The following HNRNPF variants were observed in gnomAD, a reference collection of about 807,000 sequenced individuals.
HNRNPF encodes the protein heterogeneous nuclear ribonucleoprotein F.
HNRNPF carries 2 observed loss-of-function variants against 26.0 expected under a neutral mutation model. The ratio of observed to expected loss-of-function variants is 0.08; its 90% CI spans 0.03 to 0.24. The LOEUF is 0.24. Ranked by LOEUF, HNRNPF falls within the 10% of genes least tolerant of loss-of-function variation. The probability of loss-of-function intolerance (pLI) is 1.00; values close to 1 mark genes in which losing one functional copy is unlikely to be tolerated. For missense variants in HNRNPF, 299 were observed against 539.2 expected, an observed-to-expected ratio of 0.55 and a Z score of 4.41; for synonymous variants, 234 against 211.5, an observed-to-expected ratio of 1.11 and a Z score of -0.92.
At chr10:43,390,166 T>A (rs1838186439) in intron 3 of HNRNPF, among the ~76,000 whole-genome samples, 1 of 152,212 alleles carries the variant, frequency 6.6e-6, no homozygotes, top group Non-Finnish European at 1.5e-5. Flanking sequence ...TGCTAACAGT[T>A]CAGAAGCTCC....
chr10:43,398,621 T>C (rs1838649102), intron 1 of HNRNPF, among the ~76,000 whole-genome samples: 1 of 151,800 alleles, frequency 6.6e-6, no homozygotes, highest in Non-Finnish European at 1.5e-5. Context: ...ATTACAGGTG[T>C]GAGCCACCGC....
At chr10:43,397,415 G>A (rs1470300019) in intron 1 of HNRNPF, 2 of 152,358 alleles carry the variant, frequency 1.3e-5, no homozygotes, top group Admixed American at 1.3e-4. Flanking sequence ...AGAGAGTCAG[G>A]GCGGCGGGAA....
chr10:43,397,579 G>A (rs1159568906), intron 1 of HNRNPF, among the ~76,000 whole-genome samples: 2 of 152,154 alleles, frequency 1.3e-5, no homozygotes, highest in East Asian at 3.9e-4. Context: ...CCTCTAAAAT[G>A]GAACTAGCGG....
rs767099810 is a variant in HNRNPF at position 43,387,306 on chromosome 10, T to G, written c.579A>C (p.Ser193=). The change falls in exon 4 of 4, where the codon TCA becomes TCC. Residue 193 remains serine, a synonymous_variant. Coordinates refer to ENST00000682386, the MANE Select transcript of HNRNPF (RefSeq NM_001098204.2). The surrounding 1 kb of genome is among the most constrained non-coding windows in gnomAD (Gnocchi z 6.0). ...TGAACTTCAGAGGGGGATCTGAGTATGACCTAACTTCCTCCTGGCTGCTCT... is the reference window on the plus strand; with the variant it reads ...TGAACTTCAGAGGGGGATCTGAGTAGGACCTAACTTCCTCCTGGCTGCTCT... The part of the protein sequence containing the change: ...VFKSSQEEVR[S]YSDPPLKFMS... 5.0e-6 allele frequency: 8 copies of G among 1,614,104 alleles called. No homozygotes were observed. The highest frequency in any genetic ancestry group is 1.6e-4 in the Middle Eastern group (1 of 6,084).
intron 3 of HNRNPF, among the ~76,000 whole-genome samples, chr10:43,392,182 T>A (rs1269309913): frequency 6.6e-6 from 1 of 152,138 alleles, no homozygotes; most frequent in African/African-American, 2.4e-5. Flanking sequence ...GGCAGGCAGA[T>A]CATTTGAGGT....
intron 2 of HNRNPF, among the ~76,000 whole-genome samples, chr10:43,395,641 A>T (rs1838459671): frequency 6.6e-6 from 1 of 152,202 alleles, no homozygotes; most frequent in Admixed American, 6.5e-5. Flanking sequence ...TTCAGGGGTG[A>T]AACAGTTTCA....
chr10:43,400,355 T>G (rs551002984), intron 1 of HNRNPF, among the ~76,000 whole-genome samples: 2 of 152,350 alleles, frequency 1.3e-5, no homozygotes, highest in Admixed American at 1.3e-4. Context: ...ATTCATATTC[T>G]TATTTCGTGG....
chr10:43,400,161 A>C (rs938311808), intron 1 of HNRNPF, among the ~76,000 whole-genome samples: 2 of 152,182 alleles, frequency 1.3e-5, no homozygotes, highest in Non-Finnish European at 2.9e-5. Context: ...CAGCCTGCGC[A>C]GTATAGTGAG....
At chr10:43,405,722 T>C (rs1021616014) in intron 1 of HNRNPF, among the ~76,000 whole-genome samples, 1 of 152,174 alleles carries the variant, frequency 6.6e-6, no homozygotes, top group African/African-American at 2.4e-5. Flanking sequence ...TGGAATGTAT[T>C]TTTAGGCATG....
intron 3 of HNRNPF, among the ~76,000 whole-genome samples, chr10:43,391,590 A>G (rs1838250772): frequency 6.6e-6 from 1 of 152,104 alleles, no homozygotes; most frequent in South Asian, 2.1e-4. Flanking sequence ...TGTCTGGGGC[A>G]GCCTTACAGA....
intron 2 of HNRNPF, among the ~76,000 whole-genome samples, chr10:43,396,174 A>G (rs1838502210): frequency 6.6e-6 from 1 of 152,250 alleles, no homozygotes; most frequent in African/African-American, 2.4e-5. Flanking sequence ...GCCAATCAAG[A>G]TAAATAGGGC....
rs1457417439 is a variant in HNRNPF, at chr10:43,388,941, CAA to C, written c.-52-1007_-52-1006del. 8.7e-5 allele frequency among the ~76,000 whole-genome samples: 13 copies of C among 149,160 alleles called. 1 individual carries two copies. In the South Asian group the frequency reaches 2.7e-3, roughly 32 times the overall value. On this transcript the variant is annotated intron_variant, in intron 3 of 3. Transcript: ENST00000682386. Reference sequence around the variant, plus strand: ...TATGAACACTGTCAAGGGTGACGCTCAAAAAGAGCATAGGAGTATATGGAATT... The same window carrying C: ...TATGAACACTGTCAAGGGTGACGCTCAAAGAGCATAGGAGTATATGGAATT...
intron 1 of HNRNPF, 188 bp downstream of exon 1, chr10:43,408,924 GGCCCCAATCCTCAGCGCCT>G (rs1839017433): frequency 6.6e-6 from 1 of 152,330 alleles, no homozygotes; most frequent in Non-Finnish European, 1.5e-5. Context: ...GCGCGCTGCC[GGCCCCAATCCTCAGCGCCT>G]GCCCGTCGAG....
At position 43,403,838 on chromosome 10, in the gene HNRNPF, C is replaced by CA. The variant is rs1187069026; in HGVS notation, c.-247+5292dup. Among the ~76,000 whole-genome samples, 124 of 149,468 alleles carry CA rather than the reference C, an allele frequency of 8.3e-4. 2 individuals carry two copies. The highest frequency in any genetic ancestry group is 1.8e-3 in the African/African-American group (74 of 40,738). Reference sequence around the variant, plus strand: ...CAAAACCCCTTCTCTACAAAAAATACAAAAAAAAATAGCTGGGCATGTGGC... The same window carrying CA: ...CAAAACCCCTTCTCTACAAAAAATACAAAAAAAAAATAGCTGGGCATGTGGC... On this transcript the variant is annotated intron_variant, in intron 1 of 3. Coordinates refer to ENST00000682386, the MANE Select transcript of HNRNPF (RefSeq NM_001098204.2).
chr10:43,397,931 T>C (rs752251256), intron 1 of HNRNPF, among the ~76,000 whole-genome samples: 2 of 152,254 alleles, frequency 1.3e-5, no homozygotes, highest in Non-Finnish European at 2.9e-5. Flanking sequence ...AAACAAGATG[T>C]GCTATGAACT....
chr10:43,396,780 G>C (rs1241371106), intron 1 of HNRNPF, 190 bp from the exon 2 acceptor site: 2 of 152,052 alleles, frequency 1.3e-5, no homozygotes, highest in African/African-American at 2.4e-5. Context: ...CGGCCCCAGG[G>C]CCTGCGCGGG....
Position 43,386,669 on chromosome 10 carries a change from T to C in HNRNPF, c.1216A>G (p.Ser406Gly). 3 of 1,580,430 alleles carry C rather than the reference T, an allele frequency of 1.9e-6. No homozygotes were observed. The highest frequency in any genetic ancestry group is 2.6e-6 in the Non-Finnish European group (3 of 1,169,526). The part of the protein sequence containing the change: ...SVSGCYGAGY[S>G]GQNSMGGYD ...TAGCCACCCATGCTGTTCTGCCCAC[T>C]GTAGCCGGCCCCGTAACAGCCACTC... is the stretch of plus-strand genomic sequence containing the variant. Residue 406 changes from serine (S) to glycine (G), a missense_variant, in exon 4 of 4, where the codon AGT (serine) becomes GGT (glycine). Ser to Gly is a moderately conservative substitution (Grantham distance 56). Transcript: ENST00000682386.
chr10:43,389,451 T>C (rs1838158984), intron 3 of HNRNPF, among the ~76,000 whole-genome samples: 1 of 152,184 alleles, frequency 6.6e-6, no homozygotes, highest in African/African-American at 2.4e-5. Context: ...AGCAAATTCA[T>C]ACTAAATAAA....
intron 1 of HNRNPF, among the ~76,000 whole-genome samples, chr10:43,402,138 T>C (rs1204339650): frequency 6.6e-6 from 1 of 151,800 alleles, no homozygotes; most frequent in Non-Finnish European, 1.5e-5. Context: ...AAAAAAAAAC[T>C]TTCTGGAACT....
Sources: gnomAD v4.1 joint callset for allele counts (sites outside exome capture counted in the v4.1 genomes callset) on GRCh38, gnomAD v4.1.1 for gene constraint, Gnocchi (gnomAD v3.1) non-coding constraint, MANE v1.5 for transcripts, NCBI Gene and HGNC (gene_info 2026-07-23, HGNC 2026-07-21) for gene names.